The following DAB1 variants were observed in gnomAD, a reference collection of about 807,000 sequenced individuals.
The protein encoded by DAB1 is DAB adaptor protein 1.
Under a neutral mutation model 64.6 loss-of-function variants are expected in DAB1, and 15 were observed. The ratio of observed to expected loss-of-function variants is 0.23; its 90% CI spans 0.16 to 0.36. The LOEUF is 0.36. DAB1 is among the 10% of genes least tolerant of loss of function. The probability of loss-of-function intolerance (pLI) is 1.00; values close to 1 mark genes in which losing one functional copy is unlikely to be tolerated. For missense variants in DAB1, 596 were observed against 706.7 expected (o/e 0.84, Z 1.78); for synonymous variants, 235 against 251.9 (o/e 0.93, Z 0.64).
rs75558161 is a variant in DAB1 at position 58,314,675 on chromosome 1, C to T, written n.309+28677G>A. On this transcript the variant is annotated intron_variant and non_coding_transcript_variant, in intron 4 of 20. Coordinates refer to the DAB1 transcript ENST00000485760. ...TAAAGTGAAGTGATTTGCCAAATAACACACAGCTGGTGACTACTGGCACTA... is the reference window on the plus strand; with the variant it reads ...TAAAGTGAAGTGATTTGCCAAATAATACACAGCTGGTGACTACTGGCACTA... 7.2e-3 allele frequency among the ~76,000 whole-genome samples: 1,100 copies of T among 152,266 alleles called. 57 individuals are homozygous for T. The East Asian group carries it at 0.15, about 21-fold the overall frequency.
intron 2 of DAB1, among the ~76,000 whole-genome samples, chr1:57,160,836 C>T (rs1210940848): frequency 6.6e-6 from 1 of 152,144 alleles, no homozygotes; most frequent in African/African-American, 2.4e-5. Flanking sequence ...TCATATCCCT[C>T]CTCCTAGTAG....
intron 1 of DAB1, among the ~76,000 whole-genome samples, chr1:57,842,796 A>G (rs1653114450): frequency 6.6e-6 from 1 of 152,200 alleles, no homozygotes; most frequent in Non-Finnish European, 1.5e-5. Flanking sequence ...TGAGGATTAC[A>G]ATTCTAGATG....
intron 6 of DAB1, among the ~76,000 whole-genome samples, chr1:57,747,807 CAAAAAAAAA>C (rs373640023): frequency 1.1e-4 from 5 of 43,960 alleles, no homozygotes; most frequent in Admixed American, 3.4e-4. Flanking sequence ...GGACTCTGTC[CAAAAAAAAA>C]AAAAAAAAAA....
At chr1:57,391,766 A>AACACACACACACACACACACAC (rs57332880) in intron 1 of DAB1, among the ~76,000 whole-genome samples, 1 of 94,566 alleles carries the variant, frequency 1.1e-5, no homozygotes. Context: ...CAGAGGAATA[A>AACACACACACACACACACACAC]ACACACACAC....
At chr1:58,075,098 G>T (rs1002787657) in intron 5 of DAB1, among the ~76,000 whole-genome samples, 3 of 152,092 alleles carry the variant, frequency 2.0e-5, no homozygotes, top group African/African-American at 7.3e-5. Flanking sequence ...TCCTTCTCTG[G>T]ATTCTAAAAG....
chr1:57,218,505 C>A (rs892278816), intron 2 of DAB1, among the ~76,000 whole-genome samples: 8 of 124,036 alleles, frequency 6.4e-5, no homozygotes, highest in Admixed American at 3.5e-4. Context: ...CATAGTGAGA[C>A]CCCCATCTCT....
chr1:57,609,998 A>G (rs1645706758), intron 7 of DAB1, among the ~76,000 whole-genome samples: 1 of 152,164 alleles, frequency 6.6e-6, no homozygotes. Flanking sequence ...GGCACCCACT[A>G]ATTGCCGGGT....
intron 5 of DAB1, among the ~76,000 whole-genome samples, chr1:57,925,501 A>T (rs1644866344): frequency 6.6e-6 from 1 of 152,216 alleles, no homozygotes; most frequent in African/African-American, 2.4e-5. Context: ...AGCCACATTT[A>T]TGTGTCAGAA....
intron 9 of DAB1, chr1:57,033,356 C>T (rs759776437): frequency 2.5e-6 from 4 of 1,610,528 alleles, no homozygotes; most frequent in Non-Finnish European, 3.4e-6. Flanking sequence ...AGCAGAACAA[C>T]CTAATTTAAC....
At chr1:57,446,951 C>A (rs1686164175) in intron 7 of DAB1, among the ~76,000 whole-genome samples, 1 of 152,134 alleles carries the variant, frequency 6.6e-6, no homozygotes, top group Non-Finnish European at 1.5e-5. Context: ...TTTCTCTGAA[C>A]AACTAGTTCT....
At chr1:57,287,796 T>G (rs986255584) in intron 2 of DAB1, among the ~76,000 whole-genome samples, 5 of 150,976 alleles carry the variant, frequency 3.3e-5, no homozygotes, top group Admixed American at 2.6e-4. Flanking sequence ...ATTTATTTAT[T>G]TATTTATTTA....
intron 2 of DAB1, among the ~76,000 whole-genome samples, chr1:57,167,296 A>C (rs1373632656): frequency 6.6e-6 from 1 of 152,190 alleles, no homozygotes; most frequent in Non-Finnish European, 1.5e-5. Flanking sequence ...TAAAGTCATC[A>C]AGGAATTATT....
chr1:58,048,440 C>T (rs571862593), intron 5 of DAB1: 7 of 961,410 alleles, frequency 7.3e-6, no homozygotes, highest in South Asian at 4.0e-5. Context: ...GTCATAGCTG[C>T]CACTCCCGCC....
chr1:57,262,439 T>C (rs960207399), intron 2 of DAB1, among the ~76,000 whole-genome samples: 1 of 152,324 alleles, frequency 6.6e-6, no homozygotes, highest in Non-Finnish European at 1.5e-5. Context: ...CCTGTGCTCC[T>C]ACCCCAGATG....
intron 7 of DAB1, among the ~76,000 whole-genome samples, chr1:57,607,459 TAA>T (rs1215151312): frequency 6.6e-6 from 1 of 152,180 alleles, no homozygotes; most frequent in East Asian, 1.9e-4. Context: ...TCCCTATTTT[TAA>T]GAGTTATTGT....
At chr1:57,371,994 G>A (rs1044211062) in intron 1 of DAB1, among the ~76,000 whole-genome samples, 1 of 152,128 alleles carries the variant, frequency 6.6e-6, no homozygotes, top group African/African-American at 2.4e-5. Context: ...AGGTATGTTT[G>A]ACTATTTTTA....
intron 1 of DAB1, among the ~76,000 whole-genome samples, chr1:57,870,906 A>C (rs72666137): frequency 0.094 from 14,299 of 152,244 alleles, 967 homozygotes; most frequent in Admixed American, 0.23. Flanking sequence ...AAAAGAGTTG[A>C]CATTGGCAAG....
intron 5 of DAB1, among the ~76,000 whole-genome samples, chr1:57,971,885 G>C (rs994226119): frequency 1.3e-5 from 2 of 152,120 alleles, no homozygotes; most frequent in African/African-American, 2.4e-5. Flanking sequence ...AGTCAAATTT[G>C]GTTTATGAGG....
intron 6 of DAB1, among the ~76,000 whole-genome samples, chr1:57,668,761 C>A (rs1286383609): frequency 6.6e-6 from 1 of 152,084 alleles, no homozygotes; most frequent in African/African-American, 2.4e-5. Context: ...TTGAGATAAG[C>A]AACTTTAAAA....
Sources: allele counts gnomAD v4.1 joint callset (sites outside exome capture counted in the v4.1 genomes callset), GRCh38; gene constraint gnomAD v4.1.1; transcripts MANE v1.5; gene names NCBI Gene and HGNC (gene_info 2026-07-23, HGNC 2026-07-21).